The following ZNHIT3 variants were observed in gnomAD, a reference collection of about 807,000 sequenced individuals.
ZNHIT3 encodes the protein zinc finger HIT-type containing 3.
A neutral mutation model predicts 19.9 loss-of-function variants in ZNHIT3; 27 were observed. That is an observed-to-expected ratio of 1.36 (90% CI 1.00 to 1.87). The LOEUF is 1.87. Among genes scored for constraint, ZNHIT3 ranks in the 40% most tolerant of loss-of-function variants. ZNHIT3 has a pLI of 0.00. For synonymous variants in ZNHIT3, 81 were observed against 65.7 expected, an observed-to-expected ratio of 1.23 and a Z score of -1.13; for missense variants, 215 against 185.6, an observed-to-expected ratio of 1.16 and a Z score of -0.92.
chr17:36,495,925 T>C, downstream of ZNHIT3: 1 of 1,127,408 alleles, frequency 8.9e-7, no homozygotes, highest in Non-Finnish European at 1.1e-6. Context: ...AAAGTGCTTA[T>C]GTGGAATTGG....
chr17:36,494,326 A>G (rs752999974), intron 4 of ZNHIT3, among the ~76,000 whole-genome samples: 8 of 152,188 alleles, frequency 5.3e-5, no homozygotes, highest in African/African-American at 9.7e-5. Context: ...TTGGTTTCCC[A>G]TAGCAACTTG....
At chr17:36,493,498 GC>G (rs1232677939) in intron 3 of ZNHIT3, among the ~76,000 whole-genome samples, 1 of 152,242 alleles carries the variant, frequency 6.6e-6, no homozygotes, top group East Asian at 1.9e-4. Flanking sequence ...TTGGGTTCAG[GC>G]AATGCCAGCA....
chr17:36,495,235 C>A lies in ZNHIT3; in HGVS notation c.299C>A (p.Thr100Lys). ...QNLKNLGESA[T>K]LRSLLLNPHL... ...TGTTAATTTTTAGGGGAATCTGCAA[C>A]ATTAAGAAGCTTATTGCTCAATCCA... Residue 100 changes from threonine (T) to lysine (K), a missense_variant, in exon 5 of 5, where the codon ACA becomes AAA. Thr to Lys is a moderately conservative substitution (Grantham distance 78). Coordinates refer to ENST00000617429, the MANE Select transcript of ZNHIT3 (RefSeq NM_004773.4). The A allele has an allele frequency of 6.4e-7, 1 of 1,570,398 alleles. No individual in the cohort carries two copies. Among genetic ancestry groups the A allele is most frequent in the Non-Finnish European group, 8.6e-7 (1 of 1,164,108 alleles).
At chr17:36,490,963 G>C (rs2070713114) in intron 2 of ZNHIT3, 1 of 152,102 alleles carries the variant, frequency 6.6e-6, no homozygotes, top group African/African-American at 2.4e-5. Flanking sequence ...CTGCAGGCGT[G>C]TGCCACCATG....
chr17:36,489,046 C>T (rs916848569), intron 2 of ZNHIT3: 2 of 152,228 alleles, frequency 1.3e-5, no homozygotes, highest in African/African-American at 4.8e-5. Context: ...TTAGCATCCA[C>T]ATGTTAACAA....
intron 4 of ZNHIT3, 89 bp downstream of exon 4, chr17:36,494,095 A>G (rs542734159): frequency 3.9e-5 from 40 of 1,017,606 alleles, no homozygotes; most frequent in Admixed American, 9.4e-5. Flanking sequence ...AATTTCTTGA[A>G]TAAGTATGGC....
intron 4 of ZNHIT3, 26 bp downstream of exon 4, chr17:36,494,032 C>T (rs776044946): frequency 1.2e-5 from 19 of 1,527,886 alleles, no homozygotes; most frequent in East Asian, 9.0e-5. Context: ...GCTTGTCAAT[C>T]GTTGAGATAC....
downstream of ZNHIT3, among the ~76,000 whole-genome samples, chr17:36,496,602 A>G (rs970645436): frequency 1.3e-5 from 2 of 152,188 alleles, no homozygotes; most frequent in African/African-American, 4.8e-5. Flanking sequence ...GGCGCTCCCT[A>G]AGAGGAATGT....
chr17:36,497,995 T>C (rs142764564), downstream of ZNHIT3: 373 of 468,478 alleles, frequency 8.0e-4, 2 homozygotes, highest in African/African-American at 6.5e-3. Context: ...AAACGCAGCA[T>C]TGCATTTGGA....
chr17:36,493,420 C>T (rs146533842), intron 3 of ZNHIT3, among the ~76,000 whole-genome samples: 3,726 of 152,346 alleles, frequency 0.024, 78 homozygotes, highest in South Asian at 0.07. Context: ...CCTCTGGTGC[C>T]ACCAAAGAGG....
At position 36,495,728 on chromosome 17, in the gene ZNHIT3, TAATA is replaced by T; in HGVS notation, c.*327_*330del. ...ATATGGAGTTAAACTTGGTCAGTGT[TAATA>T]AAATCAAAACGTGATTCTACTGTAC... On this transcript the variant is annotated 3_prime_UTR_variant, in exon 5 of 5. Transcript: ENST00000617429. 8.0e-7 allele frequency: 1 copy of T among 1,247,724 alleles called. No individual in the cohort carries two copies. Among genetic ancestry groups the T allele is most frequent in the Non-Finnish European group, 1.0e-6 (1 of 997,378 alleles). The allele number at this position is 1,247,724 out of a possible 1,614,324, so 77.3% of individuals were successfully genotyped here. A position where few individuals can be genotyped will look rare whatever the true frequency, so the allele number is the denominator to read the frequency against.
chr17:36,491,767 G>C (rs1402082253), intron 2 of ZNHIT3: 4 of 152,040 alleles, frequency 2.6e-5, no homozygotes, highest in Non-Finnish European at 5.9e-5. Context: ...ATGTATTTTG[G>C]GGTCAGGTAC....
chr17:36,487,939 A>G (rs938406196), intron 2 of ZNHIT3, among the ~76,000 whole-genome samples: 3 of 151,810 alleles, frequency 2.0e-5, no homozygotes, highest in Admixed American at 6.6e-5. Context: ...CCCCGTCTCT[A>G]TAAACAAACA....
chr17:36,487,149 C>T (rs141587569), intron 2 of ZNHIT3, among the ~76,000 whole-genome samples, 183 bp downstream of exon 2: 3 of 152,148 alleles, frequency 2.0e-5, no homozygotes, highest in African/African-American at 4.8e-5. Flanking sequence ...TCGGACAGTT[C>T]CCTCTGTTGT....
intron 2 of ZNHIT3, chr17:36,492,007 A>C (rs1217359883): frequency 2.6e-5 from 4 of 152,226 alleles, no homozygotes; most frequent in Non-Finnish European, 5.9e-5. Flanking sequence ...TATGTATCTC[A>C]CTGTGTACCT....
intron 2 of ZNHIT3, among the ~76,000 whole-genome samples, chr17:36,487,439 A>G (rs1275931095): frequency 1.3e-5 from 2 of 152,248 alleles, no homozygotes. Context: ...TGATTTGTTA[A>G]GAGAAAAAAA....
Position 36,495,670 on chromosome 17 carries a change from T to A in ZNHIT3, c.*266T>A. ...AATGTTTTACTTTTGGTACAGTTGA[T>A]AGACATCATAAACGATATCAAGCTT... On this transcript the variant is annotated 3_prime_UTR_variant, in exon 5 of 5. Coordinates refer to ENST00000617429, the MANE Select transcript of ZNHIT3 (RefSeq NM_004773.4). 3.1e-6 allele frequency: 4 copies of A among 1,280,190 alleles called. No individual in the cohort carries two copies. The highest frequency in any genetic ancestry group is 3.9e-6 in the Non-Finnish European group (4 of 1,016,634). The allele number at this position is 1,280,190 out of a possible 1,614,324, so 79.3% of individuals were successfully genotyped here. A position where few individuals can be genotyped will look rare whatever the true frequency, so the allele number is the denominator to read the frequency against.
Position 36,494,137 on chromosome 17 carries a change from CTG to C in ZNHIT3, c.286+133_286+134del, listed in dbSNP as rs2070806655. 4.6e-6 allele frequency: 3 copies of C among 659,072 alleles called. No homozygotes were observed. In the East Asian group the frequency reaches 8.3e-5, roughly 18 times the overall value. 40.8% of individuals were successfully genotyped at this position (659,072 alleles called of 1,614,324 possible). A position where few individuals can be genotyped will look rare whatever the true frequency, so the allele number is the denominator to read the frequency against. ...GGCTCTTACTATCTAGCCACATAAT[CTG>C]TAAACATACAGGGTTTCACACCTCC... On this transcript the variant is annotated intron_variant, in intron 4 of 4. Transcript: ENST00000617429.
At chr17:36,489,348 G>T (rs950258311) in intron 2 of ZNHIT3, 1 of 151,300 alleles carries the variant, frequency 6.6e-6, no homozygotes, top group African/African-American at 2.4e-5. Flanking sequence ...TCTATTCGTA[G>T]TTTTTTTTTA....
Sources: gnomAD v4.1 joint callset for allele counts (sites outside exome capture counted in the v4.1 genomes callset) on GRCh38, gnomAD v4.1.1 for gene constraint, MANE v1.5 for transcripts, NCBI Gene and HGNC (gene_info 2026-07-23, HGNC 2026-07-21) for gene names.